SPINK5: variants seen among roughly 807,000 people sequenced by gnomAD.
The protein encoded by SPINK5 is serine protease inhibitor Kazal-type 5.
In SPINK5, 125 loss-of-function variants were observed where a neutral mutation model predicts 151.8. The observed-to-expected ratio is 0.82, with a 90% confidence interval of 0.71 to 0.96. The LOEUF is 0.96. Among genes scored for constraint, SPINK5 ranks in the 40% least tolerant of loss-of-function variants. The pLI, the probability that SPINK5 is intolerant of heterozygous loss-of-function variation, is 0.00. For synonymous variants in SPINK5, 374 were observed against 395.3 expected (o/e 0.95, Z 0.64); for missense variants, 1,194 against 1,291.9 (o/e 0.92, Z 1.16).
Position 148,125,848 on chromosome 5 carries a change from CT to C in SPINK5, c.2867del (p.Leu957Ter). The C allele has an allele frequency of 1.2e-6, 2 of 1,614,160 alleles. No homozygotes were observed. Among genetic ancestry groups the C allele is most frequent in the Non-Finnish European group, 1.7e-6 (2 of 1,180,016 alleles). ...TNKCYMCRAV[F>X]LTEALERAKL... Reference sequence around the variant, plus strand: ...ACAAGTGCTACATGTGCAGAGCTGTCTTGTGAGTAAGAGGATTCTGCTCCCC... The same window carrying C: ...ACAAGTGCTACATGTGCAGAGCTGTCTGTGAGTAAGAGGATTCTGCTCCCC... On this transcript the variant is annotated frameshift_variant and splice_region_variant, in exon 29 of 33. Transcript: ENST00000256084. LOFTEE classifies it high-confidence loss of function.
rs183425329 is a variant in SPINK5, at chr5:148,116,846, A to G, written c.2112+380A>G. The stretch of plus-strand genomic sequence containing the variant: ...GTCTTTTCTGTTGATCCAAGGCAGC[A>G]TGATAGGACAAAAGAGCACAGGCTT... On this transcript the variant is annotated intron_variant, in intron 22 of 32. Transcript: ENST00000256084. Among the ~76,000 whole-genome samples, 463 of 152,312 alleles carry G rather than the reference A, an allele frequency of 3.0e-3. 4 individuals carry two copies. Among genetic ancestry groups the G allele is most frequent in the African/African-American group, 0.011 (453 of 41,558 alleles).
intron 4 of SPINK5, among the ~76,000 whole-genome samples, chr5:148,077,913 A>G (rs1752925936): frequency 6.6e-6 from 1 of 151,166 alleles, no homozygotes; most frequent in Non-Finnish European, 1.5e-5. Flanking sequence ...AAAAAAAGAC[A>G]AAAGCATATT....
chr5:148,098,058 GCTT>G, intron 11 of SPINK5, 64 bp downstream of exon 11: 2 of 1,501,410 alleles, frequency 1.3e-6, no homozygotes, highest in Non-Finnish European at 1.8e-6. Context: ...AATAGAAACA[GCTT>G]CTTTCATAGA....
intron 2 of SPINK5, among the ~76,000 whole-genome samples, chr5:148,066,076 A>G (rs1422044498): frequency 6.6e-6 from 1 of 152,182 alleles, no homozygotes; most frequent in Non-Finnish European, 1.5e-5. Flanking sequence ...CTCTCTGGAC[A>G]GACAGTATTA....
chr5:148,067,471 T>C (rs1013489611), intron 2 of SPINK5, among the ~76,000 whole-genome samples: 1 of 152,186 alleles, frequency 6.6e-6, no homozygotes, highest in African/African-American at 2.4e-5. Context: ...TGCTTCTGTT[T>C]CAACCCTCTC....
At chr5:148,111,645 A>G in intron 18 of SPINK5, 123 bp from the exon 19 acceptor site, 1 of 1,453,976 alleles carries the variant, frequency 6.9e-7, no homozygotes. Flanking sequence ...GGTTACTATC[A>G]ACCTTCAGCA....
At position 148,098,730 on chromosome 5, in the gene SPINK5, A is replaced by G. The variant is rs1753547775; in HGVS notation, c.1011-504A>G. ...ATGAGTAAGCAAAATATTTAAGTTT[A>G]AAGCAAAGCTAGGGTACACATGGTG... is the stretch of plus-strand genomic sequence containing the variant. On this transcript the variant is annotated intron_variant, in intron 11 of 32. Coordinates refer to ENST00000256084, the MANE Select transcript of SPINK5 (RefSeq NM_006846.4). 2.0e-5 allele frequency among the ~76,000 whole-genome samples: 3 copies of G among 152,002 alleles called. No individual in the cohort carries two copies. In the South Asian group the frequency reaches 6.2e-4, roughly 31 times the overall value.
Position 148,088,623 on chromosome 5 carries a change from C to A in SPINK5, c.474+18C>A. On this transcript the variant is annotated intron_variant, in intron 6 of 32. Coordinates refer to ENST00000256084, the MANE Select transcript of SPINK5 (RefSeq NM_006846.4). Reference sequence around the variant, plus strand: ...CAGAGCAGGTGAGGTCAATTGTCAGCCTGATGGGAAATACTGGGAGGCTAA... The same window carrying A: ...CAGAGCAGGTGAGGTCAATTGTCAGACTGATGGGAAATACTGGGAGGCTAA... 1 of 1,609,870 alleles carries A rather than the reference C, an allele frequency of 6.2e-7. No individual in the cohort carries two copies. Among genetic ancestry groups the A allele is most frequent in the Non-Finnish European group, 8.5e-7 (1 of 1,177,366 alleles).
At chr5:148,128,273 T>C (rs1754484362) in intron 30 of SPINK5, among the ~76,000 whole-genome samples, 1 of 152,026 alleles carries the variant, frequency 6.6e-6, no homozygotes, top group Non-Finnish European at 1.5e-5. Flanking sequence ...GAAATGTACA[T>C]ATGCAAGTAA....
At chr5:148,065,625 G>A in intron 2 of SPINK5, 1 of 482,776 alleles carries the variant, frequency 2.1e-6, no homozygotes, top group African/African-American at 1.9e-5. Flanking sequence ...TCATGTTAAA[G>A]GAGCATTTTA....
intron 4 of SPINK5, 67 bp from the exon 5 acceptor site, chr5:148,086,338 C>G (rs1753152354): frequency 6.3e-7 from 1 of 1,578,146 alleles, no homozygotes; most frequent in Non-Finnish European, 8.6e-7. Flanking sequence ...AAATGTTAAT[C>G]TATTTATACA....
chr5:148,083,752 T>A (rs190378614), intron 4 of SPINK5, among the ~76,000 whole-genome samples: 242 of 151,736 alleles, frequency 1.6e-3, no homozygotes, highest in African/African-American at 5.6e-3. Flanking sequence ...TGTTCCTTTC[T>A]TCAGATATTT....
chr5:148,090,735 A>G (rs1753286875), intron 7 of SPINK5: 1 of 177,482 alleles, frequency 5.6e-6, no homozygotes, highest in Non-Finnish European at 1.2e-5. Flanking sequence ...GTGGATGGCA[A>G]TGTCTCAAAT....
Position 148,089,631 on chromosome 5 carries a change from AT to A in SPINK5, c.602+11del. 6.2e-7 allele frequency: 1 copy of A among 1,611,658 alleles called. No homozygotes were observed. The highest frequency in any genetic ancestry group is 8.5e-7 in the Non-Finnish European group (1 of 1,178,372). The stretch of plus-strand genomic sequence containing the variant: ...TGTGTGCTGAGCTGTTGTAAGTAGC[AT>A]CATCCCCAGGTGGACTTGATGATGA... On this transcript the variant is annotated intron_variant, in intron 7 of 32. Coordinates refer to ENST00000256084, the MANE Select transcript of SPINK5 (RefSeq NM_006846.4).
chr5:148,070,263 CAAAAT>C (rs1393023211), intron 2 of SPINK5, 55 bp from the exon 3 acceptor site: 20 of 1,585,856 alleles, frequency 1.3e-5, no homozygotes, highest in Non-Finnish European at 1.5e-5. Flanking sequence ...ATATATATAT[CAAAAT>C]AAAGCTTGTT....
At chr5:148,104,547 G>A (rs1753729431) in intron 15 of SPINK5, among the ~76,000 whole-genome samples, 1 of 152,130 alleles carries the variant, frequency 6.6e-6, no homozygotes, top group Non-Finnish European at 1.5e-5. Context: ...TTTGAGAATA[G>A]TCAAAACAAT....
intron 30 of SPINK5, among the ~76,000 whole-genome samples, chr5:148,128,863 C>G (rs1202041338): frequency 2.0e-5 from 3 of 151,846 alleles, no homozygotes; most frequent in African/African-American, 7.3e-5. Flanking sequence ...TAGCCATAAA[C>G]AAAACAGATA....
At chr5:148,075,253 A>C (rs1200531136) in intron 4 of SPINK5, among the ~76,000 whole-genome samples, 1 of 151,572 alleles carries the variant, frequency 6.6e-6, no homozygotes, top group African/African-American at 2.4e-5. Context: ...AAGTTTGGAA[A>C]ATTCCTTTCT....
Position 148,133,883 on chromosome 5 carries a change from C to G in SPINK5, c.3182C>G (p.Pro1061Arg), listed in dbSNP as rs771163069. ...TPGTTAASMPPSDE is the reference protein window; with the variant it reads ...TPGTTAASMPRSDE ...GGAACCACCGCAGCCAGCATGCCCCCGTCTGTAAGTACATAAGTAGACTGG... is the reference window on the plus strand; with the variant it reads ...GGAACCACCGCAGCCAGCATGCCCCGGTCTGTAAGTACATAAGTAGACTGG... The change falls in exon 32 of 33, where the codon CCG becomes CGG. Residue 1061 changes from proline to arginine, a missense_variant. Pro to Arg is a moderately radical substitution (Grantham distance 103). Transcript: ENST00000256084. The G allele has an allele frequency of 3.7e-6, 6 of 1,613,834 alleles. No individual in the cohort carries two copies. In the African/African-American group the frequency reaches 5.3e-5, roughly 14 times the overall value.
Sources: gnomAD v4.1 joint callset for allele counts (sites outside exome capture counted in the v4.1 genomes callset) on GRCh38, gnomAD v4.1.1 for gene constraint, MANE v1.5 for transcripts, NCBI Gene and HGNC (gene_info 2026-07-23, HGNC 2026-07-21) for gene names.